The following GRM7 variants were observed in gnomAD, a reference collection of about 807,000 sequenced individuals.
The protein encoded by GRM7 is metabotropic glutamate receptor 7.
A neutral mutation model predicts 84.5 loss-of-function variants in GRM7; 35 were observed. That is an observed-to-expected ratio of 0.41 (90% CI 0.32 to 0.55). GRM7 has a LOEUF of 0.55. GRM7 is among the 20% of genes least tolerant of loss of function. The pLI is 0.19. For missense variants in GRM7, 1,003 were observed against 1,194.6 expected, an observed-to-expected ratio of 0.84 and a Z score of 2.36; for synonymous variants, 487 against 455.1, an observed-to-expected ratio of 1.07 and a Z score of -0.89.
At chr3:7,600,861 T>C (rs1158983137) in intron 8 of GRM7, among the ~76,000 whole-genome samples, 2 of 152,176 alleles carry the variant, frequency 1.3e-5, no homozygotes, top group African/African-American at 4.8e-5. Flanking sequence ...TATGCAAATC[T>C]CTTGCTAAAG....
chr3:7,324,887 A>G (rs1434517897), intron 4 of GRM7, among the ~76,000 whole-genome samples: 3 of 152,128 alleles, frequency 2.0e-5, no homozygotes, highest in African/African-American at 4.8e-5. Flanking sequence ...CAGCACCTGT[A>G]GAATCTATTT....
chr3:7,628,017 C>G (rs1207593566), intron 8 of GRM7, among the ~76,000 whole-genome samples: 1 of 152,126 alleles, frequency 6.6e-6, no homozygotes, highest in Non-Finnish European at 1.5e-5. Context: ...CTGGGACACT[C>G]CATCCCCTGC....
At chr3:7,382,525 T>C (rs17047245) in intron 4 of GRM7, among the ~76,000 whole-genome samples, 5,824 of 152,272 alleles carry the variant, frequency 0.038, 372 homozygotes, top group African/African-American at 0.13. Flanking sequence ...ATTATGGGAA[T>C]GTAAACTCTG....
chr3:7,162,124 G>T (rs1025584966), intron 2 of GRM7, among the ~76,000 whole-genome samples: 2 of 152,168 alleles, frequency 1.3e-5, no homozygotes, highest in Non-Finnish European at 2.9e-5. Context: ...GACTTGTGAG[G>T]CTTGAAATGC....
chr3:7,068,836 A>G (rs1011419872), intron 1 of GRM7, among the ~76,000 whole-genome samples: 2 of 151,950 alleles, frequency 1.3e-5, no homozygotes, highest in Non-Finnish European at 2.9e-5. Flanking sequence ...CCCCTGATAT[A>G]TATTAAATTA....
At chr3:7,729,656 G>T (rs1033092142) in intron 9 of GRM7, among the ~76,000 whole-genome samples, 15 of 152,134 alleles carry the variant, frequency 9.9e-5, no homozygotes, top group Non-Finnish European at 1.6e-4. Context: ...AGTGTTTGTG[G>T]TGATTTTATA....
chr3:7,672,679 A>G (rs945646285), intron 8 of GRM7, among the ~76,000 whole-genome samples: 3 of 143,568 alleles, frequency 2.1e-5, no homozygotes, highest in Non-Finnish European at 3.0e-5. Flanking sequence ...ATCTCAGCTC[A>G]CTGCAAGCTC....
chr3:6,952,519 C>G (rs1018768714), intron 1 of GRM7, among the ~76,000 whole-genome samples: 1 of 152,176 alleles, frequency 6.6e-6, no homozygotes, highest in African/African-American at 2.4e-5. Context: ...TGTGACTCTT[C>G]AACTGAAGAA....
At chr3:7,335,919 G>C (rs907984241) in intron 4 of GRM7, among the ~76,000 whole-genome samples, 1 of 151,454 alleles carries the variant, frequency 6.6e-6, no homozygotes, top group Non-Finnish European at 1.5e-5. Context: ...TTTAAAAATT[G>C]CCAAAAAAAG....
chr3:7,514,605 C>G (rs997476135), intron 7 of GRM7, among the ~76,000 whole-genome samples: 1 of 152,174 alleles, frequency 6.6e-6, no homozygotes, highest in Non-Finnish European at 1.5e-5. Context: ...CTGTTTCTAT[C>G]CACCACAGTG....
chr3:7,370,359 G>T (rs939494330), intron 4 of GRM7, among the ~76,000 whole-genome samples: 3 of 152,062 alleles, frequency 2.0e-5, no homozygotes, highest in African/African-American at 7.2e-5. Context: ...GAGAAAAGTC[G>T]ATATGATTTC....
At chr3:7,056,584 A>T (rs562428079) in intron 1 of GRM7, among the ~76,000 whole-genome samples, 80 of 152,160 alleles carry the variant, frequency 5.3e-4, no homozygotes, top group Admixed American at 2.3e-3. Context: ...CAGTTGTGCA[A>T]GTGAGAAGCA....
chr3:7,034,130 T>C (rs1187118994), intron 1 of GRM7, among the ~76,000 whole-genome samples: 3 of 152,140 alleles, frequency 2.0e-5, no homozygotes, highest in Non-Finnish European at 4.4e-5. Flanking sequence ...GGAAAAAATA[T>C]CCTCTGGGTA....
At chr3:7,359,111 C>CA (rs35815945) in intron 4 of GRM7, among the ~76,000 whole-genome samples, 38,031 of 82,768 alleles carry the variant, frequency 0.46, 7,881 homozygotes, top group East Asian at 0.63. Flanking sequence ...GATTCCATCT[C>CA]AAAAAAAAAA....
At chr3:7,380,133 C>T (rs771725213) in intron 4 of GRM7, among the ~76,000 whole-genome samples, 1 of 151,598 alleles carries the variant, frequency 6.6e-6, no homozygotes, top group African/African-American at 2.4e-5. Flanking sequence ...TATTTAGTTG[C>T]TAGAAAAAAA....
At chr3:7,492,628 ATATTTTT>A (rs1245961496) in intron 7 of GRM7, among the ~76,000 whole-genome samples, 1 of 151,990 alleles carries the variant, frequency 6.6e-6, no homozygotes, top group Non-Finnish European at 1.5e-5. Flanking sequence ...TATCTATTTT[ATATTTTT>A]TAAGAGCTGA....
chr3:7,316,811 G>C (rs558100169), intron 4 of GRM7, among the ~76,000 whole-genome samples: 1 of 152,078 alleles, frequency 6.6e-6, no homozygotes, highest in East Asian at 1.9e-4. Flanking sequence ...TGGAGTTTAT[G>C]GGAGACATCT....
intron 7 of GRM7, among the ~76,000 whole-genome samples, chr3:7,576,348 C>T (rs1024369015): frequency 6.6e-6 from 1 of 152,196 alleles, no homozygotes; most frequent in Admixed American, 6.5e-5. Flanking sequence ...CTGACTTGGG[C>T]TTTCTGCTTA....
chr3:7,020,830 G>A (rs9877026), intron 1 of GRM7, among the ~76,000 whole-genome samples: 71,543 of 151,914 alleles, frequency 0.47, 17,271 homozygotes, highest in Admixed American at 0.52. Context: ...AAAATAAGAT[G>A]CAATCTCTTG....
Sources: gnomAD v4.1 joint callset for allele counts (sites outside exome capture counted in the v4.1 genomes callset) on GRCh38, gnomAD v4.1.1 for gene constraint, MANE v1.5 for transcripts, NCBI Gene and HGNC (gene_info 2026-07-23, HGNC 2026-07-21) for gene names.